Variants in CRPPA observed in about 807,000 individuals in gnomAD.
CRPPA encodes the protein CDP-L-ribitol pyrophosphorylase A.
CRPPA carries 43 observed loss-of-function variants against 52.0 expected under a neutral mutation model. The ratio of observed to expected loss-of-function variants is 0.83; its 90% CI spans 0.65 to 1.07. The LOEUF (loss-of-function observed/expected upper bound fraction) is 1.07. Among genes scored for constraint, CRPPA ranks in the 50% least tolerant of loss-of-function variants. The pLI is 0.00. For synonymous variants in CRPPA, 250 were observed against 203.5 expected, an observed-to-expected ratio of 1.23 and a Z score of -1.94; for missense variants, 629 against 551.7, an observed-to-expected ratio of 1.14 and a Z score of -1.40.
At chr7:16,154,501 G>C (rs960801906) in intron 9 of CRPPA, among the ~76,000 whole-genome samples, 1 of 151,746 alleles carries the variant, frequency 6.6e-6, no homozygotes, top group African/African-American at 2.4e-5. Flanking sequence ...AATGCTTACA[G>C]AGAAGAGTAT....
At chr7:16,182,720 T>C (rs1319646428) in intron 9 of CRPPA, among the ~76,000 whole-genome samples, 1 of 152,088 alleles carries the variant, frequency 6.6e-6, no homozygotes, top group Non-Finnish European at 1.5e-5. Flanking sequence ...GAGGCACTGC[T>C]CCCCCACAGC....
chr7:16,096,624 T>C lies in CRPPA; in HGVS notation c.1252-4825A>G, dbSNP rs73291837. ...ACAGTGTCAATTTTGTTTTAGAAAA[T>C]TTTGTTGCCCAGGGTAGAGTGCAGG... On this transcript the variant is annotated intron_variant, in intron 9 of 9. Transcript: ENST00000407010. 3.0e-3 allele frequency among the ~76,000 whole-genome samples: 464 copies of C among 152,212 alleles called. 2 individuals carry two copies. Among genetic ancestry groups the C allele is most frequent in the African/African-American group, 0.011 (450 of 41,530 alleles).
chr7:16,396,614 A>G (rs922796193), intron 2 of CRPPA, among the ~76,000 whole-genome samples: 1 of 152,258 alleles, frequency 6.6e-6, no homozygotes, highest in Non-Finnish European at 1.5e-5. Flanking sequence ...CGAAAAAGAT[A>G]CTTACACATG....
chr7:16,408,793 G>A (rs893526453), intron 1 of CRPPA, among the ~76,000 whole-genome samples: 7 of 152,194 alleles, frequency 4.6e-5, no homozygotes, highest in Non-Finnish European at 8.8e-5. Flanking sequence ...GTAATCACAA[G>A]AGTCCTTATA....
intron 4 of CRPPA, among the ~76,000 whole-genome samples, chr7:16,303,091 T>A (rs1323124569): frequency 1.3e-5 from 2 of 152,192 alleles, no homozygotes; most frequent in Non-Finnish European, 2.9e-5. Context: ...AGGCTAAAAG[T>A]ACTTTAAAAT....
At position 16,090,153 on chromosome 7, in the gene CRPPA, T is replaced by C. The variant is rs539219280; in HGVS notation, c.*1542A>G. ...TTAATGGATTTTAAATTTCTTAATA[T>C]TCCTAGAGAGAGAAAAAGGGCAGGC... On this transcript the variant is annotated 3_prime_UTR_variant, in exon 10 of 10. Transcript: ENST00000407010. 2 of 152,250 alleles carry C rather than the reference T, an allele frequency of 1.3e-5. No homozygotes were observed. The highest frequency in any genetic ancestry group is 3.9e-4 in the East Asian group (2 of 5,180). The allele number at this position is 152,250 out of a possible 1,614,324, so 9.4% of individuals were successfully genotyped here.
At chr7:16,235,462 G>A (rs558063716) in intron 8 of CRPPA, among the ~76,000 whole-genome samples, 1 of 152,102 alleles carries the variant, frequency 6.6e-6, no homozygotes, top group African/African-American at 2.4e-5. Context: ...AATCAGCAAA[G>A]TATGGGTCAA....
At chr7:16,117,737 C>T (rs1251722996) in intron 9 of CRPPA, among the ~76,000 whole-genome samples, 2 of 152,204 alleles carry the variant, frequency 1.3e-5, no homozygotes, top group Non-Finnish European at 2.9e-5. Context: ...TCTGCATTCC[C>T]ACCATCTTCC....
chr7:16,351,001 G>C (rs967328770), intron 3 of CRPPA, among the ~76,000 whole-genome samples: 2 of 152,040 alleles, frequency 1.3e-5, no homozygotes, highest in African/African-American at 2.4e-5. Context: ...AACAGACAAA[G>C]ACGACAATTA....
At chr7:16,136,479 A>C (rs1782764238) in intron 9 of CRPPA, among the ~76,000 whole-genome samples, 1 of 152,234 alleles carries the variant, frequency 6.6e-6, no homozygotes, top group African/African-American at 2.4e-5. Flanking sequence ...TCAGAAAACT[A>C]TTCTTTTTGT....
chr7:16,112,858 A>C (rs1217295947), intron 9 of CRPPA, among the ~76,000 whole-genome samples: 2 of 152,110 alleles, frequency 1.3e-5, no homozygotes, highest in South Asian at 2.1e-4. Flanking sequence ...GCTATATATA[A>C]AGATATGAAT....
intron 3 of CRPPA, among the ~76,000 whole-genome samples, chr7:16,335,523 C>G (rs187343586): frequency 9.3e-4 from 142 of 152,236 alleles, no homozygotes; most frequent in African/African-American, 3.3e-3. Flanking sequence ...AAAGCTTCAA[C>G]AGCAGACATG....
chr7:16,387,055 A>G (rs28650242), intron 2 of CRPPA, among the ~76,000 whole-genome samples: 1 of 58,088 alleles, frequency 1.7e-5, no homozygotes, highest in Non-Finnish European at 3.3e-5. Flanking sequence ...ATATATATAT[A>G]TATATATATA....
At chr7:16,191,697 A>G (rs1781615137) in intron 9 of CRPPA, among the ~76,000 whole-genome samples, 1 of 152,042 alleles carries the variant, frequency 6.6e-6, no homozygotes, top group Non-Finnish European at 1.5e-5. Flanking sequence ...GAAATGTGCT[A>G]CCCCAAGGTA....
chr7:16,091,512 G>C lies in CRPPA; in HGVS notation c.*183C>G. 1 of 481,048 alleles carries C rather than the reference G, an allele frequency of 2.1e-6. No homozygotes were observed. Among genetic ancestry groups the C allele is most frequent in the Non-Finnish European group, 3.6e-6 (1 of 277,806 alleles). The allele number at this position is 481,048 out of a possible 1,614,324, so 29.8% of individuals were successfully genotyped here. On this transcript the variant is annotated 3_prime_UTR_variant, in exon 10 of 10. Transcript: ENST00000407010. ...CAATTAATATTTGTCATACACAAAA[G>C]TATTCTTTATTTCACAGATATAAAC... is the stretch of plus-strand genomic sequence containing the variant.
intron 9 of CRPPA, among the ~76,000 whole-genome samples, chr7:16,127,214 C>A (rs1027075485): frequency 2.0e-5 from 3 of 151,950 alleles, no homozygotes; most frequent in Non-Finnish European, 4.4e-5. Context: ...CCTATGAAAA[C>A]AAACAAAAAC....
At chr7:16,298,585 T>C (rs1784721439) in intron 5 of CRPPA, among the ~76,000 whole-genome samples, 1 of 152,240 alleles carries the variant, frequency 6.6e-6, no homozygotes, top group South Asian at 2.1e-4. Flanking sequence ...ATAGTAATAG[T>C]GCCTAGGAAA....
chr7:16,407,179 T>C (rs1017740534), intron 1 of CRPPA, among the ~76,000 whole-genome samples: 2 of 152,186 alleles, frequency 1.3e-5, no homozygotes, highest in African/African-American at 4.8e-5. Flanking sequence ...GGTTTCATGA[T>C]GTTGCCCAGG....
rs751124837 is a variant in CRPPA at position 16,308,561 on chromosome 7, T to C, written c.751A>G (p.Lys251Glu). 6.2e-7 allele frequency: 1 copy of C among 1,611,050 alleles called. No homozygotes were observed. The highest frequency in any genetic ancestry group is 8.5e-7 in the Non-Finnish European group (1 of 1,178,368). Residue 251 changes from lysine to glutamate, a missense_variant, in exon 4 of 10, where the codon AAA becomes GAA. Transcript: ENST00000407010. ...LQLALKYCCT[K>E]AKLVEGSPDL... ...GGTGATCCTTCTACAAGTTTGGCTT[T>C]AGTGCAACAGTATTTTAGGGCCAAT...
Sources: gnomAD v4.1 joint callset for allele counts (sites outside exome capture counted in the v4.1 genomes callset) on GRCh38, gnomAD v4.1.1 for gene constraint, MANE v1.5 for transcripts, NCBI Gene and HGNC (gene_info 2026-07-23, HGNC 2026-07-21) for gene names.